The following LIMCH1 variants were observed in gnomAD, a reference collection of about 807,000 sequenced individuals.
LIMCH1 encodes the protein LIM and calponin homology domains 1.
LIMCH1 carries 113 observed loss-of-function variants against 176.5 expected under a neutral mutation model. That is an observed-to-expected ratio of 0.64 (90% CI 0.55 to 0.75). The LOEUF (loss-of-function observed/expected upper bound fraction) is 0.75, where lower values mean the gene tolerates loss of function less well. LIMCH1 is among the 30% of genes least tolerant of loss of function. The pLI, the probability that LIMCH1 is intolerant of heterozygous loss-of-function variation, is 0.00. For missense variants in LIMCH1, 1,674 were observed against 1,814.9 expected (o/e 0.92, Z 1.41); for synonymous variants, 619 against 645.9 (o/e 0.96, Z 0.63).
chr4:41,515,993 A>T (rs1321181932), intron 2 of LIMCH1, among the ~76,000 whole-genome samples: 1 of 152,228 alleles, frequency 6.6e-6, no homozygotes, highest in African/African-American at 2.4e-5. Flanking sequence ...TTTAAACATA[A>T]TTACTACATA....
At chr4:41,558,262 A>C (rs758653773) in intron 1 of LIMCH1, among the ~76,000 whole-genome samples, 1 of 152,230 alleles carries the variant, frequency 6.6e-6, no homozygotes, top group Non-Finnish European at 1.5e-5. Flanking sequence ...AAAAAACTTC[A>C]AAGTTTGTCT....
At position 41,538,351 on chromosome 4, in the gene LIMCH1, G is replaced by T. The variant is rs1007911362; in HGVS notation, c.-241+1G>T. The T allele has an allele frequency of 3.0e-6, 3 of 985,068 alleles. No homozygotes were observed. Among genetic ancestry groups the T allele is most frequent in the African/African-American group, 3.5e-5 (2 of 57,178 alleles). 61.0% of individuals were successfully genotyped at this position (985,068 alleles called of 1,614,324 possible). A position where few individuals can be genotyped will look rare whatever the true frequency, so the allele number is the denominator to read the frequency against. The stretch of plus-strand genomic sequence containing the variant: ...TTGCGGAGCATGAGGACGTGTGGGG[G>T]TAAGTAAAATTCATTATAAAAGAAA... On this transcript the variant is annotated splice_donor_variant, in intron 1 of 31. Coordinates refer to ENST00000503057, the MANE Select transcript of LIMCH1 (RefSeq NM_001330672.2). LOFTEE classifies it low-confidence loss of function (5UTR_SPLICE).
chr4:41,646,084 A>C, intron 15 of LIMCH1, 39 bp from the exon 16 acceptor site: 5 of 1,572,274 alleles, frequency 3.2e-6, no homozygotes, highest in Non-Finnish European at 4.3e-6. Context: ...ATTATGCACA[A>C]GTCTGAAGAA....
chr4:41,460,270 C>T (rs921173856), intron 1 of LIMCH1, among the ~76,000 whole-genome samples: 1 of 151,858 alleles, frequency 6.6e-6, no homozygotes, highest in African/African-American at 2.4e-5. Context: ...ATTACAAATA[C>T]TCAATATTCA....
At chr4:41,473,533 C>G (rs186091635) in intron 1 of LIMCH1, among the ~76,000 whole-genome samples, 10 of 152,306 alleles carry the variant, frequency 6.6e-5, no homozygotes, top group Admixed American at 5.2e-4. Flanking sequence ...GGGCCTTTAT[C>G]TCACCCTGAT....
chr4:41,679,051 T>C (rs1050625816), intron 23 of LIMCH1, among the ~76,000 whole-genome samples: 3 of 152,218 alleles, frequency 2.0e-5, no homozygotes, highest in Non-Finnish European at 2.9e-5. Context: ...AAAGTCCTCC[T>C]GCTCCTAAGA....
intron 18 of LIMCH1, among the ~76,000 whole-genome samples, chr4:41,660,327 C>T (rs1207167358): frequency 1.3e-5 from 2 of 151,990 alleles, no homozygotes; most frequent in African/African-American, 4.8e-5. Flanking sequence ...AAGCATAAAA[C>T]TGACACAATT....
At chr4:41,490,786 G>A (rs1291563960) in intron 1 of LIMCH1, among the ~76,000 whole-genome samples, 3 of 152,130 alleles carry the variant, frequency 2.0e-5, no homozygotes, top group African/African-American at 7.2e-5. Context: ...CTCGATGATC[G>A]CTGTCTCTTC....
intron 13 of LIMCH1, 114 bp from the exon 14 acceptor site, chr4:41,638,818 T>A: frequency 1.2e-6 from 1 of 822,620 alleles, no homozygotes; most frequent in South Asian, 1.4e-5. Context: ...TTTCAGTATC[T>A]CAGCAAAAAA....
At chr4:41,507,094 C>T (rs1194483598) in intron 2 of LIMCH1, among the ~76,000 whole-genome samples, 2 of 152,132 alleles carry the variant, frequency 1.3e-5, no homozygotes, top group African/African-American at 4.8e-5. Flanking sequence ...TGGATTTATT[C>T]TAAAGGATCT....
chr4:41,494,459 A>T, intron 1 of LIMCH1: 1 of 980,180 alleles, frequency 1.0e-6, no homozygotes, highest in Non-Finnish European at 1.6e-6. Context: ...ACACATACAC[A>T]CACACATATA....
At chr4:41,458,691 G>A (rs944437639) in intron 1 of LIMCH1, among the ~76,000 whole-genome samples, 3 of 150,038 alleles carry the variant, frequency 2.0e-5, no homozygotes, top group South Asian at 2.1e-4. Flanking sequence ...GGAGAATGGC[G>A]TGAACCTGGG....
intron 1 of LIMCH1, among the ~76,000 whole-genome samples, chr4:41,374,127 T>C: frequency 6.6e-6 from 1 of 152,074 alleles, no homozygotes; most frequent in East Asian, 1.9e-4. Context: ...AACAGACTAA[T>C]ACAGGGTGCA....
intron 3 of LIMCH1, among the ~76,000 whole-genome samples, chr4:41,530,447 T>G (rs1026625419): frequency 6.6e-6 from 1 of 152,170 alleles, no homozygotes. Context: ...GTTTATCTTA[T>G]AGATTACCTT....
At position 41,639,786 on chromosome 4, in the gene LIMCH1, C is replaced by G. The variant is rs139836793; in HGVS notation, c.2126+819C>G. Reference sequence around the variant, plus strand: ...GTATTTGAAGAAACATGATTAATATCTAAATCCAGCATCAGTAGTCTGCTG... The same window carrying G: ...GTATTTGAAGAAACATGATTAATATGTAAATCCAGCATCAGTAGTCTGCTG... On this transcript the variant is annotated intron_variant, in intron 14 of 31. Transcript: ENST00000503057. 9.2e-5 allele frequency among the ~76,000 whole-genome samples: 14 copies of G among 152,206 alleles called. No individual in the cohort carries two copies. In the Middle Eastern group the frequency reaches 0.014, roughly 148 times the overall value.
chr4:41,648,658 G>GGTGTGTGTGTGTGT lies in LIMCH1; in HGVS notation c.2821-1706_2821-1693dup, dbSNP rs71650941. On this transcript the variant is annotated intron_variant, in intron 17 of 31. Coordinates refer to ENST00000503057, the MANE Select transcript of LIMCH1 (RefSeq NM_001330672.2). ...GCCAGGACAGAAGCTAAGGGGTAGG[G>GGTGTGTGTGTGTGT]GTGTGTGTGTGTGTGTGTGTGTGTG... Among the ~76,000 whole-genome samples the GGTGTGTGTGTGTGT allele has an allele frequency of 7.3e-3, 985 of 135,384 alleles. 14 individuals carry two copies. Among genetic ancestry groups the GGTGTGTGTGTGTGT allele is most frequent in the African/African-American group, 0.015 (520 of 35,614 alleles). 88.8% of individuals were successfully genotyped at this position (135,384 alleles called of 152,430 possible).
rs370940734 is a variant in LIMCH1, at chr4:41,671,346, C to G, written c.3398-208C>G. On this transcript the variant is annotated intron_variant, in intron 21 of 31. Coordinates refer to ENST00000503057, the MANE Select transcript of LIMCH1 (RefSeq NM_001330672.2). ...TTCTTTTGGTGATGGGTGCAACCTG[C>G]TACAGGGGTTGTCTGCTTTATTATG... Among the ~76,000 whole-genome samples the G allele has an allele frequency of 2.7e-5, 4 of 150,582 alleles. No homozygotes were observed. The East Asian group carries it at 7.8e-4, about 30-fold the overall frequency.
At chr4:41,686,221 C>G (rs1489246399) in intron 28 of LIMCH1, among the ~76,000 whole-genome samples, 1 of 152,088 alleles carries the variant, frequency 6.6e-6, no homozygotes, top group African/African-American at 2.4e-5. Flanking sequence ...ATTACCTGAG[C>G]TGTAATTTAA....
chr4:41,609,693 G>A (rs1273715775), intron 4 of LIMCH1: 1 of 455,522 alleles, frequency 2.2e-6, no homozygotes, highest in East Asian at 6.9e-5. Flanking sequence ...GAAGCTAGTA[G>A]TTCTCACCCC....
Sources: gnomAD v4.1 joint callset for allele counts (sites outside exome capture counted in the v4.1 genomes callset) on GRCh38, gnomAD v4.1.1 for gene constraint, MANE v1.5 for transcripts, NCBI Gene and HGNC (gene_info 2026-07-23, HGNC 2026-07-21) for gene names.